JKAMP: variants seen among roughly 807,000 people sequenced by gnomAD.
JKAMP encodes JNK1/MAPK8 associated membrane protein, also known as JNK1/MAPK8-associated membrane protein.
JKAMP carries 20 observed loss-of-function variants against 40.2 expected under a neutral mutation model. That is an observed-to-expected ratio of 0.50 (90% CI 0.35 to 0.72). The LOEUF (loss-of-function observed/expected upper bound fraction) is 0.72, where lower values mean the gene tolerates loss of function less well. Ranked by LOEUF, JKAMP falls within the 30% of genes least tolerant of loss-of-function variation. The probability of loss-of-function intolerance (pLI) is 0.01; values close to 1 mark genes in which losing one functional copy is unlikely to be tolerated. For missense variants in JKAMP, 276 were observed against 373.0 expected, an observed-to-expected ratio of 0.74 and a Z score of 2.14; for synonymous variants, 138 against 131.6, an observed-to-expected ratio of 1.05 and a Z score of -0.33.
At chr14:59,485,182 A>G (rs889294617) in intron 1 of JKAMP, 5 of 1,545,214 alleles carry the variant, frequency 3.2e-6, no homozygotes, top group Non-Finnish European at 4.4e-6. Context: ...GGATTTTGAG[A>G]AACTTTAGAT....
At chr14:59,487,202 CA>C (rs1402554871) in intron 2 of JKAMP, 62 of 145,042 alleles carry the variant, frequency 4.3e-4, no homozygotes, top group South Asian at 8.6e-4. Flanking sequence ...GACTCTGTCT[CA>C]AAAAAAAAAT....
intron 3 of JKAMP, among the ~76,000 whole-genome samples, chr14:59,492,727 T>G (rs1292583309): frequency 6.6e-6 from 1 of 152,140 alleles, no homozygotes; most frequent in Admixed American, 6.5e-5. Flanking sequence ...CATAAATGTT[T>G]TGTTAAGTCT....
Position 59,487,766 on chromosome 14 carries a change from T to C in JKAMP, c.189T>C (p.Phe63=), listed in dbSNP as rs1890689427. ...TTTATGATTGGCTCTATCTTGGATT[T>C]ATGGCAATGCTTCCTCTGGTTTTAC... is the stretch of plus-strand genomic sequence containing the variant. ...PELYDWLYLG[F]MAMLPLVLHW... is the part of the protein sequence containing the mutation. The change falls in exon 3 of 7, where the codon TTT becomes TTC. Residue 63 remains phenylalanine (F), a synonymous_variant. Coordinates refer to ENST00000616435, the MANE Select transcript of JKAMP (RefSeq NM_016475.5). 6.2e-7 allele frequency: 1 copy of C among 1,613,460 alleles called. No individual in the cohort carries two copies. Among genetic ancestry groups the C allele is most frequent in the Non-Finnish European group, 8.5e-7 (1 of 1,179,592 alleles).
rs1429944823 is a variant in JKAMP at position 59,495,110 on chromosome 14, T to C, written c.344T>C (p.Leu115Pro). The change falls in exon 4 of 7, where the codon CTT becomes CCT. Residue 115 changes from leucine (L) to proline (P), a missense_variant. By Grantham distance (98) the Leu-to-Pro change is moderately conservative (BLOSUM62 -3). Coordinates refer to ENST00000616435, the MANE Select transcript of JKAMP (RefSeq NM_016475.5). ...TLLVSDPVGV[L>P]YIRSCRVLML... ...CTTGTGAGTGATCCAGTTGGTGTTC[T>C]TTATATTCGTTCATGTCGAGTATTG... is the stretch of plus-strand genomic sequence containing the variant. The C allele has an allele frequency of 1.2e-6, 2 of 1,613,474 alleles. No homozygotes were observed. Among genetic ancestry groups the C allele is most frequent in the African/African-American group, 1.3e-5 (1 of 74,922 alleles).
At chr14:59,492,355 A>T (rs1891083835) in intron 3 of JKAMP, among the ~76,000 whole-genome samples, 1 of 152,106 alleles carries the variant, frequency 6.6e-6, no homozygotes, top group Non-Finnish European at 1.5e-5. Context: ...AAAGAAGGAG[A>T]TGGAAAATCA....
At chr14:59,489,650 G>A (rs184340246) in intron 3 of JKAMP, among the ~76,000 whole-genome samples, 1 of 152,282 alleles carries the variant, frequency 6.6e-6, no homozygotes, top group African/African-American at 2.4e-5. Context: ...TCAGTTTTCT[G>A]TTAGTCCATT....
intron 4 of JKAMP, 184 bp downstream of exon 4, chr14:59,495,408 A>C (rs1413721312): frequency 3.5e-6 from 2 of 574,862 alleles, no homozygotes; most frequent in Non-Finnish European, 6.2e-6. Flanking sequence ...GTAAAATGGG[A>C]ATAATGATCC....
At chr14:59,499,000 A>T in intron 5 of JKAMP, 92 bp downstream of exon 5, 21 of 348,158 alleles carry the variant, frequency 6.0e-5, no homozygotes, top group East Asian at 2.7e-4. Flanking sequence ...TTTCCTTAAG[A>T]TAGTTTGTTT....
chr14:59,498,983 G>T (rs1891653578), intron 5 of JKAMP, 75 bp downstream of exon 5: 4 of 583,130 alleles, frequency 6.9e-6, no homozygotes, highest in African/African-American at 4.1e-5. Context: ...ATTTAATTTT[G>T]GAGATTTTTC....
chr14:59,494,896 C>A, intron 3 of JKAMP, 122 bp from the exon 4 acceptor site: 3 of 672,158 alleles, frequency 4.5e-6, no homozygotes, highest in Non-Finnish European at 7.7e-6. Flanking sequence ...AGGTTATACT[C>A]GAGTAGTTTT....
intron 6 of JKAMP, 137 bp from the exon 7 acceptor site, chr14:59,503,717 A>T: frequency 1.6e-6 from 1 of 612,816 alleles, no homozygotes. Context: ...GTGATTTCTT[A>T]AGTCTTTTTT....
At chr14:59,500,547 A>G (rs1232056226) in intron 5 of JKAMP, among the ~76,000 whole-genome samples, 2 of 152,182 alleles carry the variant, frequency 1.3e-5, no homozygotes, top group Admixed American at 6.5e-5. Context: ...ATACTGAATG[A>G]TCTCTTTATC....
intron 4 of JKAMP, among the ~76,000 whole-genome samples, chr14:59,497,905 G>T (rs571619129): frequency 6.6e-6 from 1 of 152,302 alleles, no homozygotes; most frequent in South Asian, 2.1e-4. Flanking sequence ...TAGGGAGAGG[G>T]TTTGAGTAGC....
Position 59,504,227 on chromosome 14 carries a change from G to GACTT in JKAMP, c.*158_*161dup. On this transcript the variant is annotated 3_prime_UTR_variant, in exon 7 of 7. Transcript: ENST00000616435. ...TTTGTCTTTGTTTTGTTTATGGTTA[G>GACTT]ACTTACAGACTTGGAAAATGCAAAA... 1.6e-6 allele frequency: 1 copy of GACTT among 612,778 alleles called. No individual in the cohort carries two copies. Among genetic ancestry groups the GACTT allele is most frequent in the Non-Finnish European group, 2.9e-6 (1 of 348,966 alleles). 38.0% of individuals were successfully genotyped at this position (612,778 alleles called of 1,614,324 possible). A position where few individuals can be genotyped will look rare whatever the true frequency, so the allele number is the denominator to read the frequency against.
At chr14:59,492,862 A>T (rs1317015901) in intron 3 of JKAMP, among the ~76,000 whole-genome samples, 1 of 146,508 alleles carries the variant, frequency 6.8e-6, no homozygotes, top group Non-Finnish European at 1.5e-5. Context: ...CGGTGGTGCG[A>T]CCTCGGCTCA....
intron 3 of JKAMP, among the ~76,000 whole-genome samples, chr14:59,491,350 A>G (rs1237078375): frequency 6.6e-6 from 1 of 152,230 alleles, no homozygotes; most frequent in South Asian, 2.1e-4. Flanking sequence ...TAGTTTAATG[A>G]GAGGAGTTCT....
chr14:59,503,805 A>C (rs1216050169), intron 6 of JKAMP, 49 bp from the exon 7 acceptor site: 3 of 1,130,830 alleles, frequency 2.7e-6, no homozygotes, highest in Non-Finnish European at 4.0e-6. Context: ...CAGCTGACTT[A>C]GCCTGATAAT....
In JKAMP at chr14:59,484,567, C is replaced by T; in HGVS notation, c.-23C>T. The T allele has an allele frequency of 1.9e-6, 3 of 1,572,034 alleles. No homozygotes were observed. The highest frequency in any genetic ancestry group is 4.7e-5 in the East Asian group (2 of 42,434). On this transcript the variant is annotated 5_prime_UTR_variant, in exon 1 of 7. Transcript: ENST00000616435. ...CCAGATCCGCTGATCTAGTGCTTCT[C>T]GAAAAAAACCTTCAGGCGGCCCATG...
intron 6 of JKAMP, among the ~76,000 whole-genome samples, chr14:59,502,159 AATT>A (rs1481574901): frequency 6.6e-6 from 1 of 152,180 alleles, no homozygotes; most frequent in African/African-American, 2.4e-5. Context: ...TTTCTAAAAT[AATT>A]ATATTTATTA....
Sources: gnomAD v4.1 joint callset for allele counts (sites outside exome capture counted in the v4.1 genomes callset) on GRCh38, gnomAD v4.1.1 for gene constraint, MANE v1.5 for transcripts, NCBI Gene and HGNC (gene_info 2026-07-23, HGNC 2026-07-21) for gene names.